Variants in CCDC141 observed in about 807,000 individuals in gnomAD.
CCDC141 encodes coiled-coil domain containing 141.
Under a neutral mutation model 181.0 loss-of-function variants are expected in CCDC141, and 168 were observed. The observed-to-expected ratio is 0.93, with a 90% CI of 0.82 to 1.05. The LOEUF (loss-of-function observed/expected upper bound fraction) is 1.05. Ranked by LOEUF, CCDC141 falls within the 50% of genes least tolerant of loss-of-function variation. The pLI is 0.00. For synonymous variants in CCDC141, 666 were observed against 642.3 expected (o/e 1.04, Z -0.56); for missense variants, 1,902 against 1,788.5 (o/e 1.06, Z -1.14).
chr2:178,868,608 CA>C (rs71393439), intron 15 of CCDC141, among the ~76,000 whole-genome samples: 18,723 of 85,470 alleles, frequency 0.22, 1,383 homozygotes, highest in East Asian at 0.58. Context: ...ACTTGAAGTG[CA>C]AAAAAAAAAA....
chr2:178,899,104 T>C (rs912062447), intron 8 of CCDC141, among the ~76,000 whole-genome samples: 1 of 152,228 alleles, frequency 6.6e-6, no homozygotes, highest in Non-Finnish European at 1.5e-5. Context: ...TATAATGCTC[T>C]ATTTTTACTG....
intron 8 of CCDC141, among the ~76,000 whole-genome samples, chr2:178,902,322 A>C (rs552094427): frequency 1.3e-5 from 2 of 152,234 alleles, no homozygotes; most frequent in Admixed American, 6.5e-5. Flanking sequence ...AAAAGAACAA[A>C]GCTGGAGGCA....
intron 4 of CCDC141, among the ~76,000 whole-genome samples, chr2:178,966,470 G>A (rs181777742): frequency 4.6e-4 from 70 of 152,278 alleles, no homozygotes; most frequent in Non-Finnish European, 1.5e-5. Flanking sequence ...TGATACCCAG[G>A]CACACAGGGT....
chr2:178,923,108 T>C lies in CCDC141; in HGVS notation c.898-4201A>G, dbSNP rs201164374. Among the ~76,000 whole-genome samples, 842 of 143,948 alleles carry C rather than the reference T, an allele frequency of 5.8e-3. 2 individuals are homozygous for C. Among genetic ancestry groups the C allele is most frequent in the Middle Eastern group, 0.011 (3 of 274 alleles). 94.4% of individuals were successfully genotyped at this position (143,948 alleles called of 152,430 possible). On this transcript the variant is annotated intron_variant, in intron 6 of 23. Transcript: ENST00000443758. ...CTTCCACCAGTTTATTTTTTTTTTT[T>C]CTTTTTTTTTTTTTGAGACGGAGTC...
chr2:178,876,568 A>G (rs1318402844), intron 12 of CCDC141: 1 of 152,238 alleles, frequency 6.6e-6, no homozygotes, highest in Admixed American at 6.5e-5. Context: ...TAATACAAAG[A>G]TTATGAAGTA....
At chr2:178,909,506 A>G (rs1394970776) in intron 7 of CCDC141, among the ~76,000 whole-genome samples, 1 of 152,200 alleles carries the variant, frequency 6.6e-6, no homozygotes, top group African/African-American at 2.4e-5. Context: ...ATAAGAGTTA[A>G]ATTTCTGGAC....
At chr2:179,047,443 C>T (rs1294011455) in intron 1 of CCDC141, 37 bp from the exon 2 acceptor site, 4 of 1,444,654 alleles carry the variant, frequency 2.8e-6, no homozygotes, top group Non-Finnish European at 3.6e-6. Flanking sequence ...ACTTTTAGTT[C>T]CTCTTGTTCC....
chr2:178,876,154 A>G (rs1299169996), intron 12 of CCDC141: 2 of 152,180 alleles, frequency 1.3e-5, no homozygotes, highest in Non-Finnish European at 2.9e-5. Context: ...AGAAAATTGC[A>G]GCTCCAAGTA....
intron 6 of CCDC141, among the ~76,000 whole-genome samples, chr2:178,937,074 C>T (rs1377683689): frequency 6.6e-6 from 1 of 152,116 alleles, no homozygotes; most frequent in Non-Finnish European, 1.5e-5. Flanking sequence ...TATTTGGATG[C>T]ACTTTATTTC....
rs181443923 is a variant in CCDC141 at position 179,010,880 on chromosome 2, T to A, written c.226-32205A>T. On this transcript the variant is annotated intron_variant, in intron 2 of 23. Transcript: ENST00000443758. The stretch of plus-strand genomic sequence containing the variant: ...TCCACTTAAAAGATACAGAACCGGC[T>A]GGGCATGGTGGCTCACACCTGTAAT... Among the ~76,000 whole-genome samples, 265 of 152,222 alleles carry A rather than the reference T, an allele frequency of 1.7e-3. 1 individual carries two copies. Among genetic ancestry groups the A allele is most frequent in the South Asian group, 0.017 (80 of 4,804 alleles).
intron 2 of CCDC141, among the ~76,000 whole-genome samples, chr2:179,041,057 T>C (rs1313535784): frequency 1.3e-5 from 2 of 148,570 alleles, no homozygotes; most frequent in Non-Finnish European, 3.0e-5. Context: ...CTTCTGCTGT[T>C]GTTTTGTTTG....
intron 6 of CCDC141, among the ~76,000 whole-genome samples, chr2:178,934,725 G>A (rs1054906673): frequency 1.3e-5 from 2 of 152,180 alleles, no homozygotes; most frequent in African/African-American, 4.8e-5. Context: ...AGAACTTACT[G>A]AGTAGACTAA....
intron 6 of CCDC141, among the ~76,000 whole-genome samples, chr2:178,929,330 G>A (rs147939301): frequency 0.01 from 1,553 of 152,160 alleles, 21 homozygotes; most frequent in Non-Finnish European, 0.016. Context: ...TAGCAGAAGC[G>A]TCTGCTTTTT....
At chr2:179,042,603 C>G (rs1302751482) in intron 2 of CCDC141, among the ~76,000 whole-genome samples, 1 of 152,176 alleles carries the variant, frequency 6.6e-6, no homozygotes, top group Non-Finnish European at 1.5e-5. Context: ...CCACCTTGGC[C>G]TGCCAAAGTG....
intron 7 of CCDC141, among the ~76,000 whole-genome samples, chr2:178,907,697 T>C (rs1688033867): frequency 6.6e-6 from 1 of 152,142 alleles, no homozygotes; most frequent in Non-Finnish European, 1.5e-5. Context: ...AATGTTGATG[T>C]TAGAAAAGAT....
chr2:178,974,019 A>T (rs866787774), intron 4 of CCDC141, among the ~76,000 whole-genome samples: 1 of 152,194 alleles, frequency 6.6e-6, no homozygotes, highest in Non-Finnish European at 1.5e-5. Flanking sequence ...TGGAAATTAT[A>T]TATATGTATT....
intron 2 of CCDC141, among the ~76,000 whole-genome samples, chr2:179,008,705 G>A (rs1312997934): frequency 6.6e-6 from 1 of 152,102 alleles, no homozygotes; most frequent in Non-Finnish European, 1.5e-5. Context: ...AAAAATCAGG[G>A]CACCAATTCA....
intron 2 of CCDC141, among the ~76,000 whole-genome samples, chr2:179,045,257 G>A (rs1200071117): frequency 2.1e-5 from 3 of 144,344 alleles, no homozygotes; most frequent in East Asian, 2.1e-4. Context: ...GTGAGAATAT[G>A]TGGTGTTTGG....
At chr2:178,947,094 T>C (rs1689764540) in intron 5 of CCDC141, among the ~76,000 whole-genome samples, 1 of 152,200 alleles carries the variant, frequency 6.6e-6, no homozygotes, top group African/African-American at 2.4e-5. Flanking sequence ...AAATAGGCTC[T>C]CAGAGTCCTT....
Sources: allele counts gnomAD v4.1 joint callset (sites outside exome capture counted in the v4.1 genomes callset), GRCh38; gene constraint gnomAD v4.1.1; transcripts MANE v1.5; gene names NCBI Gene and HGNC (gene_info 2026-07-23, HGNC 2026-07-21).